Variants in NREP observed in about 807,000 individuals in gnomAD.
NREP encodes neuronal regeneration-related protein.
In NREP, 5 loss-of-function variants were observed where a neutral mutation model predicts 8.6. The observed-to-expected ratio is 0.58, with a 90% CI of 0.30 to 1.22. The LOEUF (loss-of-function observed/expected upper bound fraction) is 1.22. NREP is among the 50% of genes most tolerant of loss of function. NREP has a pLI of 0.07. For missense variants in NREP, 86 were observed against 82.5 expected, an observed-to-expected ratio of 1.04 and a Z score of -0.17; for synonymous variants, 27 against 28.0, an observed-to-expected ratio of 0.96 and a Z score of 0.11.
chr5:111,841,991 T>C (rs569231649), intron 2 of NREP, among the ~76,000 whole-genome samples: 3 of 152,218 alleles, frequency 2.0e-5, no homozygotes, highest in Admixed American at 6.5e-5. Flanking sequence ...AACTCTGGTG[T>C]GATTGTATTT....
intron 2 of NREP, among the ~76,000 whole-genome samples, chr5:111,898,296 T>A (rs559636022): frequency 6.6e-6 from 1 of 152,088 alleles, no homozygotes; most frequent in African/African-American, 2.4e-5. Context: ...AGGATGGTAA[T>A]TCAGAGGTGG....
chr5:111,964,868 A>AAAAT (rs1756593154), intron 2 of NREP, among the ~76,000 whole-genome samples: 1 of 109,304 alleles, frequency 9.1e-6, no homozygotes, highest in Non-Finnish European at 1.7e-5. Flanking sequence ...AAAAAAAAAA[A>AAAAT]AAAAAAAAAA....
chr5:111,930,679 C>A (rs112149315), intron 2 of NREP, among the ~76,000 whole-genome samples: 544 of 152,240 alleles, frequency 3.6e-3, no homozygotes, highest in African/African-American at 0.012. Flanking sequence ...TCCCTCTCTC[C>A]TTGTAAAGGG....
intron 2 of NREP, among the ~76,000 whole-genome samples, chr5:111,925,462 C>G (rs528618386): frequency 6.0e-4 from 91 of 152,286 alleles, no homozygotes; most frequent in African/African-American, 2.0e-3. Flanking sequence ...TCCTGTGCTT[C>G]CTCTCTTTTT....
chr5:111,752,893 A>T (rs978521482), intron 2 of NREP, among the ~76,000 whole-genome samples: 4 of 152,208 alleles, frequency 2.6e-5, no homozygotes, highest in Non-Finnish European at 1.5e-5. Flanking sequence ...AGGATCATCT[A>T]TTCATTCTGA....
intron 2 of NREP, among the ~76,000 whole-genome samples, chr5:111,894,159 C>T (rs950260798): frequency 6.6e-6 from 1 of 151,988 alleles, no homozygotes; most frequent in Non-Finnish European, 1.5e-5. Context: ...GCAGAGGTTG[C>T]AGTGAGCCGA....
Position 111,730,956 on chromosome 5 carries a change from G to A in NREP, c.172C>T (p.Arg58Cys), listed in dbSNP as rs766863488. The change falls in exon 4 of 4, where the codon CGC (arginine) becomes TGC (cysteine). Residue 58 changes from arginine (R) to cysteine (C), a missense_variant. Physicochemically the swap from Arg to Cys is radical, Grantham distance 180. Coordinates refer to ENST00000257435, the MANE Select transcript of NREP (RefSeq NM_004772.4). ...TGGAGGTAACTGATTCTTGGGGAGC[G>A]GAGTTCACTGCTGCCCAGTGGAGTC... ...SLTPLGSSEL[R>C]SPRISYLHFF The A allele has an allele frequency of 1.2e-5, 19 of 1,613,728 alleles. No individual in the cohort carries two copies. Among genetic ancestry groups the A allele is most frequent in the East Asian group, 8.9e-5 (4 of 44,880 alleles).
intron 2 of NREP, among the ~76,000 whole-genome samples, chr5:111,824,855 G>A (rs1752586642): frequency 6.6e-6 from 1 of 152,142 alleles, no homozygotes; most frequent in African/African-American, 2.4e-5. Context: ...TGTATACATT[G>A]GTTACAATAA....
chr5:111,903,904 T>G (rs941573291), intron 2 of NREP, among the ~76,000 whole-genome samples: 4 of 152,298 alleles, frequency 2.6e-5, no homozygotes, highest in African/African-American at 7.2e-5. Flanking sequence ...AAGCTCACAA[T>G]TCCTGGTGGT....
intron 2 of NREP, among the ~76,000 whole-genome samples, chr5:111,809,339 CAT>C (rs1212101783): frequency 6.6e-6 from 1 of 152,170 alleles, no homozygotes; most frequent in African/African-American, 2.4e-5. Context: ...CAGTTTTGAC[CAT>C]AGTCTCCCTT....
chr5:111,963,664 T>C (rs6594560), intron 2 of NREP, among the ~76,000 whole-genome samples: 149,445 of 152,302 alleles, frequency 0.98, 73,355 homozygotes, highest in Non-Finnish European at 0.99. Flanking sequence ...AGACCAGTAG[T>C]TTGTGAGCTT....
chr5:111,862,840 T>G (rs1753580928), intron 2 of NREP, among the ~76,000 whole-genome samples: 1 of 151,446 alleles, frequency 6.6e-6, no homozygotes, highest in South Asian at 2.1e-4. Flanking sequence ...TGGAAGCATT[T>G]CGTATTTACA....
At chr5:111,750,514 A>G (rs1464944661) in intron 2 of NREP, among the ~76,000 whole-genome samples, 7 of 152,214 alleles carry the variant, frequency 4.6e-5, no homozygotes, top group Admixed American at 2.6e-4. Flanking sequence ...TATAAAAGTT[A>G]GTGATGGAGA....
At chr5:111,975,995 A>T (rs1327829199) in intron 1 of NREP, among the ~76,000 whole-genome samples, 11 of 152,178 alleles carry the variant, frequency 7.2e-5, no homozygotes, top group African/African-American at 2.4e-5. Flanking sequence ...TTACAAATTA[A>T]TCTGCTCTTC....
intron 2 of NREP, among the ~76,000 whole-genome samples, chr5:111,774,237 G>A (rs1000643074): frequency 6.0e-4 from 91 of 151,034 alleles, no homozygotes; most frequent in Non-Finnish European, 1.2e-3. Flanking sequence ...GGGAGGGAAG[G>A]AAGAAGGGAG....
chr5:111,933,605 A>T (rs1445979915), intron 2 of NREP, among the ~76,000 whole-genome samples: 1 of 151,932 alleles, frequency 6.6e-6, no homozygotes, highest in Non-Finnish European at 1.5e-5. Flanking sequence ...TCTCACTCAG[A>T]CCCATCACTC....
chr5:111,843,855 T>C (rs544758697), intron 2 of NREP, among the ~76,000 whole-genome samples: 2 of 152,328 alleles, frequency 1.3e-5, no homozygotes, highest in African/African-American at 4.8e-5. Context: ...TCTGTAGAGA[T>C]AGGCTTAGAG....
At chr5:111,938,528 T>C (rs72786273) in intron 2 of NREP, among the ~76,000 whole-genome samples, 2,016 of 152,194 alleles carry the variant, frequency 0.013, 23 homozygotes, top group Middle Eastern at 0.024. Context: ...TAATGGCTGA[T>C]GGTATCAGAG....
chr5:111,764,714 G>C (rs771614764), intron 2 of NREP, among the ~76,000 whole-genome samples: 1 of 152,100 alleles, frequency 6.6e-6, no homozygotes, highest in Non-Finnish European at 1.5e-5. Flanking sequence ...TAATAATAAG[G>C]AGGTTTTTCT....
Sources: allele counts gnomAD v4.1 joint callset (sites outside exome capture counted in the v4.1 genomes callset), GRCh38; gene constraint gnomAD v4.1.1; transcripts MANE v1.5; gene names NCBI Gene and HGNC (gene_info 2026-07-23, HGNC 2026-07-21).